FNTA: variants seen among roughly 807,000 people sequenced by gnomAD.
FNTA encodes farnesyltransferase, CAAX box, subunit alpha.
Under a neutral mutation model 55.2 loss-of-function variants are expected in FNTA, and 27 were observed. The ratio of observed to expected loss-of-function variants is 0.49; its 90% CI spans 0.36 to 0.67. FNTA has a LOEUF of 0.67. Ranked by LOEUF, FNTA falls within the 30% of genes least tolerant of loss-of-function variation. FNTA has a pLI of 0.00. For missense variants in FNTA, 422 were observed against 464.7 expected (o/e 0.91, Z 0.85); for synonymous variants, 176 against 170.7 (o/e 1.03, Z -0.24).
Position 43,056,497 on chromosome 8 carries a change from A to G in FNTA, c.151A>G (p.Met51Val), listed in dbSNP as rs1465933909. 5.1e-6 allele frequency: 8 copies of G among 1,572,200 alleles called. No individual in the cohort carries two copies. Among genetic ancestry groups the G allele is most frequent in the African/African-American group, 1.4e-5 (1 of 71,158 alleles). Residue 51 changes from methionine (M) to valine (V), a missense_variant, in exon 1 of 9, where the codon ATG (methionine) becomes GTG (valine). Physicochemically the swap from Met to Val is conservative, Grantham distance 21. This residue lies in a region of FNTA where 160 missense variants were observed against 121.6 expected (regional missense o/e 1.32). Transcript: ENST00000302279. Reference sequence around the variant, plus strand: ...GGCTGGGGAAGCCGTGGCGTCCCCCATGGACGACGGGTTTGTGAGCCTGGA... The same window carrying G: ...GGCTGGGGAAGCCGTGGCGTCCCCCGTGGACGACGGGTTTGTGAGCCTGGA... ...AEAGEAVASP[M>V]DDGFVSLDSP...
intron 2 of FNTA, among the ~76,000 whole-genome samples, chr8:43,062,375 A>G (rs1189106839): frequency 1.3e-5 from 2 of 151,712 alleles, no homozygotes; most frequent in East Asian, 3.9e-4. Flanking sequence ...TCTGTCTCCC[A>G]GGTTCAAGCG....
At chr8:43,065,239 CT>C (rs879371507) in intron 3 of FNTA, among the ~76,000 whole-genome samples, 221 of 145,448 alleles carry the variant, frequency 1.5e-3, no homozygotes, top group African/African-American at 1.7e-3. Flanking sequence ...TGCTGACACA[CT>C]TTTTTTTTTT....
chr8:43,064,060 A>T, intron 2 of FNTA, 41 bp from the exon 3 acceptor site: 1 of 1,227,716 alleles, frequency 8.1e-7, no homozygotes, highest in Non-Finnish European at 1.2e-6. Flanking sequence ...TGCTAATTTT[A>T]AGTAAGATGG....
intron 2 of FNTA, among the ~76,000 whole-genome samples, chr8:43,062,288 G>T (rs1554519406): frequency 2.1e-5 from 3 of 145,164 alleles, no homozygotes; most frequent in Non-Finnish European, 3.0e-5. Flanking sequence ...TGGAAGCTTG[G>T]TTTTTTTTTT....
rs766141475 is a variant in FNTA at position 43,069,676 on chromosome 8, G to A, written c.506+17G>A. 2.0e-6 allele frequency: 3 copies of A among 1,517,382 alleles called. No homozygotes were observed. In the African/African-American group the frequency reaches 4.1e-5, roughly 21 times the overall value. 94.0% of individuals were successfully genotyped at this position (1,517,382 alleles called of 1,614,324 possible). ...TCAAGTTTGGTAAGTTTGGAGTCTA[G>A]CTGTGTCTCCCAGGCTGGAGTGCAG... On this transcript the variant is annotated intron_variant, in intron 4 of 8. Transcript: ENST00000302279.
At chr8:43,057,791 C>T (rs1810444333) in intron 1 of FNTA, among the ~76,000 whole-genome samples, 2 of 152,040 alleles carry the variant, frequency 1.3e-5, no homozygotes, top group South Asian at 4.2e-4. Context: ...AACCCTGTCT[C>T]TACTAAAAAT....
intron 1 of FNTA, among the ~76,000 whole-genome samples, chr8:43,058,582 C>T (rs1810464464): frequency 6.6e-6 from 1 of 151,954 alleles, no homozygotes; most frequent in African/African-American, 2.4e-5. Flanking sequence ...CCATCCTGGC[C>T]AACATGGTGA....
chr8:43,074,482 G>A (rs1349890013), intron 5 of FNTA, among the ~76,000 whole-genome samples: 3 of 151,978 alleles, frequency 2.0e-5, no homozygotes, highest in East Asian at 1.9e-4. Context: ...CTATGCTCAC[G>A]CCACCACAGT....
Position 43,077,297 on chromosome 8 carries a change from C to A in FNTA, c.715C>A (p.Gln239Lys), listed in dbSNP as rs1348940150. Residue 239 changes from glutamine to lysine, a missense_variant, in exon 6 of 9, where the codon CAA becomes AAA. By Grantham distance (53) the Gln-to-Lys change is moderately conservative (BLOSUM62 1). This residue lies in a region of FNTA where 262 missense variants were observed against 343.1 expected (regional missense o/e 0.76). Transcript: ENST00000302279. ...TGTGAGAAATAACTCTGTCTGGAACCAAAGATACTTCGTTATTTCTAACAC... is the reference window on the plus strand; with the variant it reads ...TGTGAGAAATAACTCTGTCTGGAACAAAAGATACTTCGTTATTTCTAACAC... ...EDVRNNSVWNQRYFVISNTTG... is the reference protein window; with the variant it reads ...EDVRNNSVWNKRYFVISNTTG... 1 of 1,612,608 alleles carries A rather than the reference C, an allele frequency of 6.2e-7. No individual in the cohort carries two copies. The highest frequency in any genetic ancestry group is 8.5e-7 in the Non-Finnish European group (1 of 1,178,986).
In FNTA at chr8:43,085,770, T is replaced by C. The variant is rs983886524; in HGVS notation, c.*488T>C. The C allele has an allele frequency of 6.5e-6, 1 of 154,842 alleles. No individual in the cohort carries two copies. Among genetic ancestry groups the C allele is most frequent in the Non-Finnish European group, 1.4e-5 (1 of 69,726 alleles). 9.6% of individuals were successfully genotyped at this position (154,842 alleles called of 1,614,324 possible). A position where few individuals can be genotyped will look rare whatever the true frequency, so the allele number is the denominator to read the frequency against. ...AAAGAACGGTTTTGTAATAAAATTATAGCTGTATCTAAAAACAATGCCATA... is the reference window on the plus strand; with the variant it reads ...AAAGAACGGTTTTGTAATAAAATTACAGCTGTATCTAAAAACAATGCCATA... On this transcript the variant is annotated 3_prime_UTR_variant, in exon 9 of 9. Transcript: ENST00000302279.
rs1811058743 is a variant in FNTA, at chr8:43,083,163, A to G, written c.828A>G (p.Ala276=). 6 of 1,587,764 alleles carry G rather than the reference A, an allele frequency of 3.8e-6. No individual in the cohort carries two copies. Among genetic ancestry groups the G allele is most frequent in the Non-Finnish European group, 5.1e-6 (6 of 1,169,788 alleles). ...AACTAGTACCACATAATGAAAGTGCATGGAACTATTTGAAAGGGTAAGAGG... is the reference window on the plus strand; with the variant it reads ...AACTAGTACCACATAATGAAAGTGCGTGGAACTATTTGAAAGGGTAAGAGG... ...MIKLVPHNES[A]WNYLKGILQD... The change falls in exon 7 of 9, where the codon GCA becomes GCG. Residue 276 remains alanine, a synonymous_variant. Transcript: ENST00000302279.
chr8:43,059,437 GT>G (rs1313774090), intron 2 of FNTA, among the ~76,000 whole-genome samples: 1 of 152,118 alleles, frequency 6.6e-6, no homozygotes, highest in African/African-American at 2.4e-5. Flanking sequence ...TGTGATTGTG[GT>G]TTTCTTTTCT....
At position 43,059,144 on chromosome 8, in the gene FNTA, A is replaced by G. The variant is rs1810477250; in HGVS notation, c.253A>G (p.Asn85Asp). The stretch of plus-strand genomic sequence containing the variant: ...TCCGGTGCCGCAGAATGATGGCCCC[A>G]ATCCCGTGGTCCAGATCATTTATAG... ...IDPVPQNDGPNPVVQIIYSDK... is the reference protein window; with the variant it reads ...IDPVPQNDGPDPVVQIIYSDK... The change falls in exon 2 of 9, where the codon AAT (asparagine) becomes GAT (aspartate). Residue 85 changes from asparagine (N) to aspartate (D), a missense_variant. Physicochemically the swap from Asn to Asp is conservative, Grantham distance 23. Around this residue, in one of 2 missense-constraint regions of FNTA, gnomAD observed 160 missense variants for 121.6 expected, o/e 1.32. Coordinates refer to ENST00000302279, the MANE Select transcript of FNTA (RefSeq NM_002027.3). 1.2e-6 allele frequency: 2 copies of G among 1,613,560 alleles called. No individual in the cohort carries two copies. The highest frequency in any genetic ancestry group is 1.7e-6 in the Non-Finnish European group (2 of 1,179,822).
Position 43,059,145 on chromosome 8 carries a change from A to G in FNTA, c.254A>G (p.Asn85Ser), listed in dbSNP as rs151278515. The change falls in exon 2 of 9, where the codon AAT becomes AGT. Residue 85 changes from asparagine to serine, a missense_variant. Coordinates refer to ENST00000302279, the MANE Select transcript of FNTA (RefSeq NM_002027.3). ...CCGGTGCCGCAGAATGATGGCCCCAATCCCGTGGTCCAGATCATTTATAGT... is the reference window on the plus strand; with the variant it reads ...CCGGTGCCGCAGAATGATGGCCCCAGTCCCGTGGTCCAGATCATTTATAGT... ...IDPVPQNDGP[N>S]PVVQIIYSDK... 4,626 of 1,613,534 alleles carry G rather than the reference A, an allele frequency of 2.9e-3. 9 individuals carry two copies. The highest frequency in any genetic ancestry group is 3.7e-3 in the Non-Finnish European group (4,417 of 1,179,806).
intron 6 of FNTA, chr8:43,078,466 C>G (rs1026304843): frequency 6.6e-6 from 1 of 151,900 alleles, no homozygotes; most frequent in African/African-American, 2.4e-5. Flanking sequence ...CATTTTGGTA[C>G]TCCTCAGTAT....
rs1443589574 is a variant in FNTA at position 43,056,507 on chromosome 8, G to A, written c.161G>A (p.Gly54Glu). 11 of 1,567,672 alleles carry A rather than the reference G, an allele frequency of 7.0e-6. No individual in the cohort carries two copies. The Admixed American group carries it at 1.8e-4, about 26-fold the overall frequency. Residue 54 changes from glycine to glutamate, a missense_variant, in exon 1 of 9, where the codon GGG becomes GAG. Transcript: ENST00000302279. The part of the protein sequence containing the change: ...GEAVASPMDD[G>E]FVSLDSPSYV... ...GCCGTGGCGTCCCCCATGGACGACG[G>A]GTTTGTGAGCCTGGACTCGCCCTCC...
chr8:43,058,945 T>G (rs1810472537), intron 1 of FNTA, 147 bp from the exon 2 acceptor site: 4 of 532,588 alleles, frequency 7.5e-6, no homozygotes, highest in Non-Finnish European at 1.3e-5. Flanking sequence ...CAAAACTTGG[T>G]CATGAAGAAT....
chr8:43,059,309 T>C (rs962049059), intron 2 of FNTA, 132 bp downstream of exon 2: 4 of 630,732 alleles, frequency 6.3e-6, no homozygotes, highest in Non-Finnish European at 1.1e-5. Flanking sequence ...ATGAGTTAAT[T>C]TTGTGTTTTT....
In FNTA at chr8:43,085,310, CT is replaced by C. The variant is rs764626350; in HGVS notation, c.*32del. 3 of 1,595,050 alleles carry C rather than the reference CT, an allele frequency of 1.9e-6. No homozygotes were observed. Among genetic ancestry groups the C allele is most frequent in the Non-Finnish European group, 2.6e-6 (3 of 1,174,834 alleles). ...CCATCCAGAAGAACTTGATGGAATG[CT>C]TTTATTTTTTATTAAGGGACCCTGC... On this transcript the variant is annotated 3_prime_UTR_variant, in exon 9 of 9. Coordinates refer to ENST00000302279, the MANE Select transcript of FNTA (RefSeq NM_002027.3).
Sources: gnomAD v4.1 joint callset for allele counts (sites outside exome capture counted in the v4.1 genomes callset) on GRCh38, gnomAD v4.1.1 for gene constraint, gnomAD v4.1.1 regional missense constraint, MANE v1.5 for transcripts, NCBI Gene and HGNC (gene_info 2026-07-23, HGNC 2026-07-21) for gene names.